The following STOX1 variants were observed in gnomAD, a reference collection of about 807,000 sequenced individuals.
STOX1 encodes the protein storkhead box 1.
STOX1 carries 57 observed loss-of-function variants against 74.8 expected under a neutral mutation model. That is an observed-to-expected ratio of 0.76 (90% CI 0.62 to 0.95). The LOEUF (loss-of-function observed/expected upper bound fraction) is 0.95, where lower values mean the gene tolerates loss of function less well. Ranked by LOEUF, STOX1 falls within the 40% of genes least tolerant of loss-of-function variation. The probability of loss-of-function intolerance (pLI) is 0.00; values close to 1 mark genes in which losing one functional copy is unlikely to be tolerated. For missense variants in STOX1, 1,010 were observed against 1,117.0 expected (o/e 0.90, Z 1.37); for synonymous variants, 375 against 401.3 (o/e 0.93, Z 0.78).
intron 1 of STOX1, among the ~76,000 whole-genome samples, chr10:68,864,159 C>T (rs998161550): frequency 2.0e-5 from 3 of 151,974 alleles, no homozygotes; most frequent in African/African-American, 2.4e-5. Context: ...CTCCTGACCT[C>T]GTGATCCGCC....
intron 1 of STOX1, among the ~76,000 whole-genome samples, chr10:68,855,216 G>A (rs1317152605): frequency 1.3e-5 from 2 of 148,262 alleles, no homozygotes; most frequent in African/African-American, 4.9e-5. Flanking sequence ...CGTCTCCTGG[G>A]TTCAAGCAAT....
chr10:68,874,149 G>T (rs1488881515), intron 1 of STOX1, among the ~76,000 whole-genome samples: 1 of 147,822 alleles, frequency 6.8e-6, no homozygotes, highest in African/African-American at 2.5e-5. Flanking sequence ...AGCCAAAAAA[G>T]TTAGAATCCA....
downstream of STOX1, chr10:68,895,107 A>G (rs1298176321): frequency 2.0e-5 from 3 of 152,240 alleles, no homozygotes; most frequent in Non-Finnish European, 2.9e-5. Context: ...AGGGCATTCA[A>G]GCAGAAGCTT....
At chr10:68,860,687 G>A (rs779428356) in intron 1 of STOX1, among the ~76,000 whole-genome samples, 9 of 151,912 alleles carry the variant, frequency 5.9e-5, no homozygotes, top group Non-Finnish European at 1.0e-4. Flanking sequence ...AGAGGAAGGC[G>A]AGGGAAAATT....
chr10:68,853,164 A>G (rs1840032200), intron 1 of STOX1, among the ~76,000 whole-genome samples: 2 of 152,044 alleles, frequency 1.3e-5, no homozygotes, highest in East Asian at 3.9e-4. Context: ...ACCTCAGGTG[A>G]TCCACCCGCC....
At chr10:68,846,782 A>G (rs767808381) in intron 1 of STOX1, 12 of 152,188 alleles carry the variant, frequency 7.9e-5, no homozygotes, top group Non-Finnish European at 1.8e-4. Flanking sequence ...AATTCTGCTT[A>G]GGTTTTTATT....
chr10:68,886,279 C>A lies in STOX1; in HGVS notation c.2483C>A (p.Ala828Asp). The A allele has an allele frequency of 6.2e-7, 1 of 1,614,122 alleles. No individual in the cohort carries two copies. Among genetic ancestry groups the A allele is most frequent in the African/African-American group, 1.3e-5 (1 of 75,016 alleles). ...SAESCGLNSG[A>D]QFGFNYEEEP... ...GAAAGTTGTGGCCTAAATTCAGGGG[C>A]CCAGTTTGGTTTTAACTACGAAGAA... Residue 828 changes from alanine to aspartate, a missense_variant, in exon 3 of 4, where the codon GCC becomes GAC. Physicochemically the swap from Ala to Asp is moderately radical, Grantham distance 126. Coordinates refer to ENST00000298596, the MANE Select transcript of STOX1 (RefSeq NM_152709.5).
intron 1 of STOX1, among the ~76,000 whole-genome samples, chr10:68,839,275 T>C (rs1839635723): frequency 6.6e-6 from 1 of 152,066 alleles, no homozygotes; most frequent in African/African-American, 2.4e-5. Context: ...TAGGCTGGAG[T>C]ACAACAGTGC....
chr10:68,883,758 C>CTTTTTTTTT, intron 2 of STOX1, among the ~76,000 whole-genome samples: 3 of 85,504 alleles, frequency 3.5e-5, no homozygotes, highest in Non-Finnish European at 6.5e-5. Flanking sequence ...GCTTCTTTGG[C>CTTTTTTTTT]TTTTTTTTTT....
At position 68,863,920 on chromosome 10, in the gene STOX1, GT is replaced by G. The variant is rs141718357; in HGVS notation, c.311-18020del. ...TCTATTACAGCTACAAGTTCTGCTT[GT>G]TTTTTTTTTTTTTTTTTCTCTGAGA... is the stretch of plus-strand genomic sequence containing the variant. On this transcript the variant is annotated intron_variant, in intron 1 of 3. Coordinates refer to ENST00000298596, the MANE Select transcript of STOX1 (RefSeq NM_152709.5). 7.9e-3 allele frequency among the ~76,000 whole-genome samples: 1,071 copies of G among 135,796 alleles called. 9 individuals carry two copies. The highest frequency in any genetic ancestry group is 0.026 in the African/African-American group (932 of 35,570). 89.1% of individuals were successfully genotyped at this position (135,796 alleles called of 152,430 possible).
chr10:68,865,676 T>C (rs1025377178), intron 1 of STOX1, among the ~76,000 whole-genome samples: 26 of 152,092 alleles, frequency 1.7e-4, no homozygotes, highest in African/African-American at 6.0e-4. Flanking sequence ...AAAAGGCCAA[T>C]TTTTTGGAAT....
At chr10:68,846,623 T>G (rs1839864590) in intron 1 of STOX1, among the ~76,000 whole-genome samples, 1 of 152,224 alleles carries the variant, frequency 6.6e-6, no homozygotes, top group African/African-American at 2.4e-5. Context: ...CCCCTATGCT[T>G]TCTCCAATAC....
At chr10:68,874,753 C>A (rs1268806134) in intron 1 of STOX1, among the ~76,000 whole-genome samples, 1 of 152,066 alleles carries the variant, frequency 6.6e-6, no homozygotes, top group Admixed American at 6.5e-5. Context: ...TTCCTTGGCA[C>A]CCTACAAATA....
At position 68,884,894 on chromosome 10, in the gene STOX1, C is replaced by T. The variant is rs367731990; in HGVS notation, c.1098C>T (p.Asn366=). 4.3e-6 allele frequency: 7 copies of T among 1,613,876 alleles called. No homozygotes were observed. In the African/African-American group the frequency reaches 9.3e-5, roughly 22 times the overall value. ...DVEHEIIKRI[N]PILTVDNLIK... ...AACATGAGATAATCAAACGAATTAA[C>T]CCCATTTTGACTGTTGACAATTTAA... Residue 366 remains asparagine (N), a synonymous_variant, in exon 3 of 4, where the codon AAC becomes AAT. Transcript: ENST00000298596.
In STOX1 at chr10:68,861,131, G is replaced by A. The variant is rs146451359; in HGVS notation, c.311-20827G>A. Reference sequence around the variant, plus strand: ...CAGTCATGGAGACCCCAACCCAGCAGTGCTAGAGGAATAAAGACACAGACA... The same window carrying A: ...CAGTCATGGAGACCCCAACCCAGCAATGCTAGAGGAATAAAGACACAGACA... On this transcript the variant is annotated intron_variant, in intron 1 of 3. Coordinates refer to ENST00000298596, the MANE Select transcript of STOX1 (RefSeq NM_152709.5). Among the ~76,000 whole-genome samples, 135 of 152,176 alleles carry A rather than the reference G, an allele frequency of 8.9e-4. 1 individual carries two copies. Among genetic ancestry groups the A allele is most frequent in the African/African-American group, 3.2e-3 (131 of 41,430 alleles).
At chr10:68,894,710 T>TA (rs767884745), downstream of STOX1, among the ~76,000 whole-genome samples, 19 of 152,088 alleles carry the variant, frequency 1.2e-4, no homozygotes, top group Non-Finnish European at 2.1e-4. Context: ...GAATGGAAGT[T>TA]AAGAGAAGTA....
chr10:68,844,864 TTGA>T (rs1287995808), intron 1 of STOX1, among the ~76,000 whole-genome samples: 1 of 149,542 alleles, frequency 6.7e-6, no homozygotes, highest in East Asian at 2.1e-4. Context: ...CCACTTTCAA[TTGA>T]TTCTCCGGCC....
chr10:68,866,178 G>A (rs574149355), intron 1 of STOX1, among the ~76,000 whole-genome samples: 48 of 152,210 alleles, frequency 3.2e-4, no homozygotes. Context: ...AGGTTCAGAA[G>A]TTATAGTTGG....
Position 68,886,208 on chromosome 10 carries a change from G to C in STOX1, c.2412G>C (p.Gly804=), listed in dbSNP as rs746379443. ...LKRNECYKPT[G]LHATPGESQE... is the part of the protein sequence containing the mutation. ...GAAATGAATGCTACAAACCCACTGG[G>C]CTGCATGCTACCCCAGGTGAAAGCC... is the stretch of plus-strand genomic sequence containing the variant. Residue 804 remains glycine (G), a synonymous_variant, in exon 3 of 4, where the codon GGG becomes GGC. Transcript: ENST00000298596. The C allele has an allele frequency of 6.2e-7, 1 of 1,614,086 alleles. No individual in the cohort carries two copies. The highest frequency in any genetic ancestry group is 8.5e-7 in the Non-Finnish European group (1 of 1,180,042).
Sources: gnomAD v4.1 joint callset for allele counts (sites outside exome capture counted in the v4.1 genomes callset) on GRCh38, gnomAD v4.1.1 for gene constraint, MANE v1.5 for transcripts, NCBI Gene and HGNC (gene_info 2026-07-23, HGNC 2026-07-21) for gene names.